Variants in FBXO34 observed in about 807,000 individuals in gnomAD.
FBXO34 encodes the protein F-box only protein 34.
In FBXO34, 12 loss-of-function variants were observed where a neutral mutation model predicts 24.5. The ratio of observed to expected loss-of-function variants is 0.49; its 90% CI spans 0.31 to 0.79. FBXO34 has a LOEUF of 0.79. Ranked by LOEUF, FBXO34 falls within the 30% of genes least tolerant of loss-of-function variation. FBXO34 has a pLI of 0.04. For synonymous variants in FBXO34, 320 were observed against 311.9 expected (o/e 1.03, Z -0.27); for missense variants, 823 against 857.7 (o/e 0.96, Z 0.51).
the FBXO34 span, among the ~76,000 whole-genome samples, chr14:55,401,632 A>T: frequency 1.3e-5 from 2 of 151,994 alleles, no homozygotes; most frequent in Admixed American, 6.6e-5. Flanking sequence ...ATTCTTCCAT[A>T]CTTTTATGAC....
the FBXO34 span, among the ~76,000 whole-genome samples, chr14:55,428,087 C>A: frequency 6.8e-6 from 1 of 146,616 alleles, no homozygotes; most frequent in African/African-American, 2.6e-5. Flanking sequence ...CAAGCCCCTT[C>A]CTACCGGCCT....
chr14:55,397,503 C>G, the FBXO34 span: 1 of 1,215,120 alleles, frequency 8.2e-7, no homozygotes, highest in South Asian at 1.2e-5. Flanking sequence ...TATGCAAATT[C>G]CCAAGAACCA....
the FBXO34 span, among the ~76,000 whole-genome samples, chr14:55,385,029 A>C: frequency 1.3e-5 from 2 of 152,206 alleles, no homozygotes; most frequent in African/African-American, 4.8e-5. Context: ...CTAAGACCGA[A>C]GTCACGGTAT....
chr14:55,368,072 G>A (rs1011921650), exon 3 of FBXO34: 4 of 151,858 alleles, frequency 2.6e-5, no homozygotes, highest in African/African-American at 9.7e-5. Context: ...ATTTCTTTTG[G>A]TAGTTGTTAC....
At chr14:55,416,218 C>T in the FBXO34 span, among the ~76,000 whole-genome samples, 749 of 152,310 alleles carry the variant, frequency 4.9e-3, 8 homozygotes, top group African/African-American at 0.017. Flanking sequence ...GAACTGTTCA[C>T]TTTAAAATGG....
chr14:55,378,222 AC>A, the FBXO34 span: 1 of 641,446 alleles, frequency 1.6e-6, no homozygotes, highest in Non-Finnish European at 2.7e-6. Flanking sequence ...CTAAGAATAC[AC>A]CATTCCCCTC....
chr14:55,274,039 C>G (rs1290325890), intron 1 of FBXO34, among the ~76,000 whole-genome samples: 6 of 152,050 alleles, frequency 3.9e-5, no homozygotes, highest in Non-Finnish European at 8.8e-5. Flanking sequence ...CTCCTGACCT[C>G]GTGATCCGCC....
chr14:55,304,809 A>T (rs547863078), intron 1 of FBXO34, among the ~76,000 whole-genome samples: 85 of 152,190 alleles, frequency 5.6e-4, no homozygotes, highest in African/African-American at 2.0e-3. Flanking sequence ...ACCCTAGCCC[A>T]TTTTTATTGT....
intron 1 of FBXO34, among the ~76,000 whole-genome samples, chr14:55,321,104 T>C (rs1883118547): frequency 6.6e-6 from 1 of 150,710 alleles, no homozygotes; most frequent in African/African-American, 2.4e-5. Context: ...ATGTGGACTT[T>C]CCAAAGTCAA....
intron 1 of FBXO34, among the ~76,000 whole-genome samples, chr14:55,334,958 G>A (rs1688426854): frequency 6.6e-6 from 1 of 152,148 alleles, no homozygotes; most frequent in African/African-American, 2.4e-5. Flanking sequence ...AGGTATAGTG[G>A]GATTTGGGGA....
At chr14:55,357,596 AT>A (rs1335001184), downstream of FBXO34, among the ~76,000 whole-genome samples, 1 of 152,184 alleles carries the variant, frequency 6.6e-6, no homozygotes, top group Non-Finnish European at 1.5e-5. Flanking sequence ...TGGAAAAATC[AT>A]TAAGCTCAGG....
At chr14:55,314,659 A>G (rs1221152182) in intron 1 of FBXO34, among the ~76,000 whole-genome samples, 1 of 152,250 alleles carries the variant, frequency 6.6e-6, no homozygotes, top group Admixed American at 6.5e-5. Flanking sequence ...ACAGCAATAA[A>G]TTTTTGTTGT....
At chr14:55,439,267 G>A in the FBXO34 span, among the ~76,000 whole-genome samples, 1 of 121,842 alleles carries the variant, frequency 8.2e-6, no homozygotes, top group African/African-American at 3.2e-5. Context: ...AGTCTTAAGA[G>A]TAATTAACTT....
At chr14:55,337,948 T>C (rs1049432340) in intron 1 of FBXO34, among the ~76,000 whole-genome samples, 1 of 152,122 alleles carries the variant, frequency 6.6e-6, no homozygotes, top group African/African-American at 2.4e-5. Flanking sequence ...CGCACACATA[T>C]TGAGCTCTAT....
At chr14:55,420,261 G>C in the FBXO34 span, among the ~76,000 whole-genome samples, 2 of 152,210 alleles carry the variant, frequency 1.3e-5, no homozygotes, top group Non-Finnish European at 1.5e-5. Context: ...AGTAGAGACA[G>C]GGTCTTGCCA....
the FBXO34 span, chr14:55,413,997 T>C: frequency 3.8e-6 from 2 of 526,602 alleles, no homozygotes; most frequent in African/African-American, 1.9e-5. Flanking sequence ...CAACTCCATC[T>C]TTTCTAAAAG....
the FBXO34 span, chr14:55,435,918 C>T: frequency 1.3e-6 from 2 of 1,575,230 alleles, no homozygotes. Context: ...GCCAGGTTTA[C>T]AGTGGAAACT....
At chr14:55,400,304 C>T in the FBXO34 span, among the ~76,000 whole-genome samples, 1 of 152,148 alleles carries the variant, frequency 6.6e-6, no homozygotes, top group Non-Finnish European at 1.5e-5. Context: ...TTTAATGATA[C>T]ATATTATATA....
chr14:55,431,598 A>T, the FBXO34 span, among the ~76,000 whole-genome samples: 1 of 152,236 alleles, frequency 6.6e-6, no homozygotes, highest in Admixed American at 6.5e-5. Context: ...AATCACTTTA[A>T]AATGGAGATT....
Sources: allele counts gnomAD v4.1 joint callset (sites outside exome capture counted in the v4.1 genomes callset), GRCh38; gene constraint gnomAD v4.1.1; transcripts MANE v1.5; gene names NCBI Gene and HGNC (gene_info 2026-07-23, HGNC 2026-07-21).